Variants in LYPD6 observed in about 807,000 individuals in gnomAD.
LYPD6 encodes the protein LY6/PLAUR domain containing 6.
Under a neutral mutation model 22.7 loss-of-function variants are expected in LYPD6, and 15 were observed. That is an observed-to-expected ratio of 0.66 (90% CI 0.44 to 1.02). The LOEUF (loss-of-function observed/expected upper bound fraction) is 1.02. LYPD6 is among the 50% of genes least tolerant of loss of function. The pLI, the probability that LYPD6 is intolerant of heterozygous loss-of-function variation, is 0.00. For synonymous variants in LYPD6, 72 were observed against 77.5 expected (o/e 0.93, Z 0.37); for missense variants, 189 against 208.4 (o/e 0.91, Z 0.57).
downstream of LYPD6, among the ~76,000 whole-genome samples, chr2:149,477,971 T>C (rs1443456531): frequency 6.6e-6 from 1 of 152,118 alleles, no homozygotes; most frequent in Non-Finnish European, 1.5e-5. Context: ...AATAGACCTG[T>C]CCATGATTAA....
At chr2:149,452,005 G>A (rs1043222679) in intron 3 of LYPD6, among the ~76,000 whole-genome samples, 1 of 152,182 alleles carries the variant, frequency 6.6e-6, no homozygotes, top group Non-Finnish European at 1.5e-5. Context: ...GGGGACTGAG[G>A]TAGCCAGCAA....
chr2:149,460,449 G>A (rs2105174221), intron 3 of LYPD6, among the ~76,000 whole-genome samples: 1 of 152,204 alleles, frequency 6.6e-6, no homozygotes, highest in Admixed American at 6.5e-5. Flanking sequence ...GCAATCTTAA[G>A]TATATAAGCA....
intron 2 of LYPD6, among the ~76,000 whole-genome samples, chr2:149,442,029 G>A (rs902318770): frequency 6.6e-6 from 1 of 152,170 alleles, no homozygotes; most frequent in Non-Finnish European, 1.5e-5. Flanking sequence ...GACTTTCTAG[G>A]AAGGTACCAG....
At chr2:149,474,419 C>G (rs767087111), downstream of LYPD6, among the ~76,000 whole-genome samples, 5 of 152,162 alleles carry the variant, frequency 3.3e-5, no homozygotes, top group Middle Eastern at 3.4e-3. Context: ...TGTTGCCCAG[C>G]CTAGCCTCAA....
intron 1 of LYPD6, among the ~76,000 whole-genome samples, chr2:149,417,899 A>G (rs1682998917): frequency 6.6e-6 from 1 of 152,216 alleles, no homozygotes; most frequent in African/African-American, 2.4e-5. Context: ...TAGACACAGT[A>G]AATATTTATT....
intron 1 of LYPD6, among the ~76,000 whole-genome samples, chr2:149,401,523 C>A (rs772664804): frequency 1.2e-4 from 18 of 152,136 alleles, no homozygotes; most frequent in Non-Finnish European, 1.8e-4. Flanking sequence ...GTCCATTCTT[C>A]GAGCATTGAT....
chr2:149,334,201 G>A lies in LYPD6; in HGVS notation c.-72+3479G>A, dbSNP rs142992891. ...CAGTTTATTAAATTGACCTTATGAA[G>A]GGCAACAGATCCCAGGCATACTAGA... On this transcript the variant is annotated intron_variant, in intron 1 of 4. Transcript: ENST00000334166. Among the ~76,000 whole-genome samples, 92 of 152,102 alleles carry A rather than the reference G, an allele frequency of 6.0e-4. No homozygotes were observed. In the East Asian group the frequency reaches 0.014, roughly 24 times the overall value.
rs117944045 is a variant in LYPD6 at position 149,434,791 on chromosome 2, A to T, written c.-71-2847A>T. 1.0e-3 allele frequency among the ~76,000 whole-genome samples: 154 copies of T among 152,150 alleles called. 1 individual carries two copies. The East Asian group carries it at 0.022, about 22-fold the overall frequency. Reference sequence around the variant, plus strand: ...GGCAAGTTCCTGTCCTGAGGAGCTCATGGTCCTATAACCTGGGAAGGAGTT... The same window carrying T: ...GGCAAGTTCCTGTCCTGAGGAGCTCTTGGTCCTATAACCTGGGAAGGAGTT... On this transcript the variant is annotated intron_variant, in intron 1 of 4. Coordinates refer to ENST00000334166, the MANE Select transcript of LYPD6 (RefSeq NM_194317.5).
chr2:149,480,156 T>C, the LYPD6 span, among the ~76,000 whole-genome samples: 1 of 152,082 alleles, frequency 6.6e-6, no homozygotes, highest in Admixed American at 6.5e-5. Flanking sequence ...ATTACAGGCA[T>C]GCACCACCAC....
intron 1 of LYPD6, among the ~76,000 whole-genome samples, chr2:149,332,141 T>G (rs543321191): frequency 6.6e-6 from 1 of 152,370 alleles, no homozygotes; most frequent in East Asian, 1.9e-4. Flanking sequence ...TGTTTTCAAT[T>G]TTAGTTTCCA....
intron 1 of LYPD6, among the ~76,000 whole-genome samples, chr2:149,412,234 A>G (rs567477519): frequency 6.6e-6 from 1 of 152,322 alleles, no homozygotes. Flanking sequence ...CCCATAGGAT[A>G]TTATCAAATG....
At chr2:149,404,663 A>G (rs1682652599) in intron 1 of LYPD6, among the ~76,000 whole-genome samples, 1 of 152,192 alleles carries the variant, frequency 6.6e-6, no homozygotes, top group Admixed American at 6.5e-5. Flanking sequence ...TAGATATACA[A>G]TCATGTCGTC....
chr2:149,354,588 C>A (rs1315283926), intron 1 of LYPD6, among the ~76,000 whole-genome samples: 1 of 152,146 alleles, frequency 6.6e-6, no homozygotes, highest in African/African-American at 2.4e-5. Flanking sequence ...TTAGACCAAG[C>A]TACAGCAGCT....
chr2:149,372,641 G>A (rs1681836729), intron 1 of LYPD6, among the ~76,000 whole-genome samples: 1 of 152,166 alleles, frequency 6.6e-6, no homozygotes, highest in African/African-American at 2.4e-5. Context: ...ATTTGGTTTA[G>A]TTTAAAAAAT....
At chr2:149,379,628 G>A (rs977727706) in intron 1 of LYPD6, among the ~76,000 whole-genome samples, 7 of 152,178 alleles carry the variant, frequency 4.6e-5, no homozygotes, top group African/African-American at 1.7e-4. Flanking sequence ...AAGGCTGTGG[G>A]CTGGAAAGAG....
intron 1 of LYPD6, among the ~76,000 whole-genome samples, chr2:149,420,564 A>C (rs1419865160): frequency 1.3e-5 from 2 of 152,176 alleles, no homozygotes; most frequent in Non-Finnish European, 2.9e-5. Context: ...CCAGACAACC[A>C]CTTCCATCAA....
At chr2:149,357,689 CATTTT>C (rs1022902852) in intron 1 of LYPD6, among the ~76,000 whole-genome samples, 2 of 151,804 alleles carry the variant, frequency 1.3e-5, no homozygotes, top group African/African-American at 2.4e-5. Flanking sequence ...AATTTTAAAA[CATTTT>C]ATTCAATTAA....
At chr2:149,459,266 G>A (rs764999364) in intron 3 of LYPD6, among the ~76,000 whole-genome samples, 2 of 152,182 alleles carry the variant, frequency 1.3e-5, no homozygotes, top group Non-Finnish European at 2.9e-5. Context: ...GTTAAAAAAA[G>A]CTATCAATGC....
At chr2:149,415,365 AAGG>A (rs998668814) in intron 1 of LYPD6, among the ~76,000 whole-genome samples, 12 of 152,100 alleles carry the variant, frequency 7.9e-5, no homozygotes, top group African/African-American at 2.7e-4. Flanking sequence ...CTGGCTGAAA[AAGG>A]AGGATGGCTC....
Sources: allele counts gnomAD v4.1 joint callset (sites outside exome capture counted in the v4.1 genomes callset), GRCh38; gene constraint gnomAD v4.1.1; transcripts MANE v1.5; gene names NCBI Gene and HGNC (gene_info 2026-07-23, HGNC 2026-07-21).